The following PTCH1 variants were observed in gnomAD, a reference collection of about 807,000 sequenced individuals.
The protein encoded by PTCH1 is patched 1.
In PTCH1, 14 loss-of-function variants were observed where a neutral mutation model predicts 144.6. That is an observed-to-expected ratio of 0.10 (90% CI 0.06 to 0.15). The LOEUF is 0.15. Ranked by LOEUF, PTCH1 falls within the 10% of genes least tolerant of loss-of-function variation. The probability of loss-of-function intolerance (pLI) is 1.00; values close to 1 mark genes in which losing one functional copy is unlikely to be tolerated. For synonymous variants in PTCH1, 833 were observed against 793.6 expected (o/e 1.05, Z -0.83); for missense variants, 1,623 against 1,948.3 (o/e 0.83, Z 3.14).
intron 1 of PTCH1, among the ~76,000 whole-genome samples, chr9:95,515,659 A>T (rs917156212): frequency 3.9e-5 from 6 of 152,126 alleles, no homozygotes; most frequent in African/African-American, 1.4e-4. Flanking sequence ...GGCTCCCCTG[A>T]GGCCGCACTC....
rs548060514 is a variant in PTCH1 at position 95,462,521 on chromosome 9, A to T, written c.2561-523T>A. On this transcript the variant is annotated intron_variant, in intron 15 of 23. Transcript: ENST00000331920. ...TTTGTTCCATCTGTTCGACTTGTGG[A>T]GCTAACACAAGCTGTGGGATCCGCT... Among the ~76,000 whole-genome samples the T allele has an allele frequency of 1.1e-4, 16 of 152,282 alleles. No homozygotes were observed. In the East Asian group the frequency reaches 2.9e-3, roughly 28 times the overall value.
chr9:95,470,122 C>T (rs902317512), intron 12 of PTCH1, among the ~76,000 whole-genome samples, 191 bp from the exon 13 acceptor site: 2 of 152,218 alleles, frequency 1.3e-5, no homozygotes, highest in African/African-American at 2.4e-5. Flanking sequence ...ATAGTCTTGA[C>T]TGTTTCTGGG....
chr9:95,468,282 C>G (rs1840213877), intron 14 of PTCH1, among the ~76,000 whole-genome samples: 1 of 152,160 alleles, frequency 6.6e-6, no homozygotes, highest in South Asian at 2.1e-4. Context: ...TTCTCGAACT[C>G]CTGGGTTCAA....
chr9:95,465,690 C>CTA (rs1839937682), intron 15 of PTCH1, among the ~76,000 whole-genome samples: 1 of 152,170 alleles, frequency 6.6e-6, no homozygotes, highest in Non-Finnish European at 1.5e-5. Flanking sequence ...TGAGTCTTTA[C>CTA]ATACAAGTGT....
intron 12 of PTCH1, among the ~76,000 whole-genome samples, chr9:95,475,642 G>A (rs1291161239): frequency 1.3e-5 from 2 of 152,140 alleles, no homozygotes; most frequent in Non-Finnish European, 2.9e-5. Context: ...AGTGGGCAGC[G>A]GGAGAGGGGG....
rs1837635478 is a variant in PTCH1, at chr9:95,443,424, AT to A, written c.*2968del. On this transcript the variant is annotated 3_prime_UTR_variant, in exon 24 of 24. Coordinates refer to ENST00000331920, the MANE Select transcript of PTCH1 (RefSeq NM_000264.5). ...CAAACAAAGATATAACCAACAAGTT[AT>A]ATTATTTTTTATTCATGTTAGAATT... 1 of 152,670 alleles carries A rather than the reference AT, an allele frequency of 6.6e-6. No individual in the cohort carries two copies. The highest frequency in any genetic ancestry group is 1.5e-5 in the Non-Finnish European group (1 of 68,044). 9.5% of individuals were successfully genotyped at this position (152,670 alleles called of 1,614,324 possible).
intron 2 of PTCH1, among the ~76,000 whole-genome samples, chr9:95,506,003 G>C (rs1156835936): frequency 6.8e-6 from 1 of 147,994 alleles, no homozygotes; most frequent in Non-Finnish European, 1.5e-5. Context: ...GGTGGGTGGG[G>C]GTGGGGGAGA....
chr9:95,500,551 A>G (rs28629854), intron 2 of PTCH1, among the ~76,000 whole-genome samples: 55,963 of 151,978 alleles, frequency 0.37, 10,986 homozygotes, highest in African/African-American at 0.49. Context: ...CACAATGGCA[A>G]CCCCAGAGAA....
rs1841405741 is a variant in PTCH1, at chr9:95,480,029, T to G, written c.1007A>C (p.His336Pro). Residue 336 changes from histidine (H) to proline (P), a missense_variant, in exon 7 of 24, where the codon CAC (histidine) becomes CCC (proline). Around this residue, in one of 7 missense-constraint regions of PTCH1, gnomAD observed 230 missense variants for 271.0 expected, o/e 0.85. Transcript: ENST00000331920. The stretch of plus-strand genomic sequence containing the variant: ...ACCCACAATCAACTCCTCCTGCCAG[T>G]GCATATACTTTCTGGATAAGCCATG... ...GCHGLSRKYMHWQEELIVGGT... is the reference protein window; with the variant it reads ...GCHGLSRKYMPWQEELIVGGT... 6.2e-7 allele frequency: 1 copy of G among 1,614,022 alleles called. No individual in the cohort carries two copies. Among genetic ancestry groups the G allele is most frequent in the Non-Finnish European group, 8.5e-7 (1 of 1,180,008 alleles).
intron 23 of PTCH1, 38 bp from the exon 24 acceptor site, chr9:95,446,429 A>G (rs1175646925): frequency 3.9e-6 from 2 of 518,704 alleles, no homozygotes; most frequent in East Asian, 1.1e-4. Context: ...GAACAGAGTA[A>G]GAGGTGTGCA....
rs374017448 is a variant in PTCH1, at chr9:95,453,749, TC to T, written c.3307-130del. 181 of 1,239,056 alleles carry T rather than the reference TC, an allele frequency of 1.5e-4. 2 individuals carry two copies. In the South Asian group the frequency reaches 2.2e-3, roughly 15 times the overall value. The allele number at this position is 1,239,056 out of a possible 1,614,324, so 76.8% of individuals were successfully genotyped here. ...CTGTTTTAGTTGCTAGAATGTGTAA[TC>T]AGAGTAGCTCAACTAGCAGCACCTA... On this transcript the variant is annotated intron_variant, in intron 19 of 23. Coordinates refer to ENST00000331920, the MANE Select transcript of PTCH1 (RefSeq NM_000264.5).
chr9:95,490,169 A>G (rs1842278995), intron 2 of PTCH1, among the ~76,000 whole-genome samples: 1 of 151,282 alleles, frequency 6.6e-6, no homozygotes, highest in South Asian at 2.1e-4. Context: ...CTACAATGAA[A>G]GAGTATAATT....
rs1259643527 is a variant in PTCH1 at position 95,444,938 on chromosome 9, G to C, written c.*1455C>G. 2.0e-5 allele frequency: 3 copies of C among 152,214 alleles called. No homozygotes were observed. The highest frequency in any genetic ancestry group is 4.4e-5 in the Non-Finnish European group (3 of 68,060). The allele number at this position is 152,214 out of a possible 1,614,324, so 9.4% of individuals were successfully genotyped here. ...CTGCCCCTGCCTACATCTTTCAGTG[G>C]GGTGTGTCCATCCTCCTGCTTTCCC... On this transcript the variant is annotated 3_prime_UTR_variant, in exon 24 of 24. Coordinates refer to ENST00000331920, the MANE Select transcript of PTCH1 (RefSeq NM_000264.5).
At position 95,508,997 on chromosome 9, in the gene PTCH1, G is replaced by A. The variant is rs963381140; in HGVS notation, c.-636C>T. ...GCTGGCGGTGGCGGCTCCAGGAGCT[G>A]CTGCTCGGGCTGCTCGGGCTCTGGC... On this transcript the variant is annotated 5_prime_UTR_variant, in exon 1 of 24. An upstream open reading frame in the 5' UTR gains an earlier in-frame stop. Transcript: ENST00000331920. 1.3e-5 allele frequency among the ~76,000 whole-genome samples: 2 copies of A among 151,070 alleles called. No individual in the cohort carries two copies. Among genetic ancestry groups the A allele is most frequent in the South Asian group, 4.2e-4 (2 of 4,776 alleles).
intron 1 of PTCH1, among the ~76,000 whole-genome samples, chr9:95,515,361 G>A (rs1484884982): frequency 6.6e-6 from 1 of 152,122 alleles, no homozygotes; most frequent in Admixed American, 6.5e-5. Context: ...TCCCCAGGGA[G>A]GAAGAAAGGA....
upstream of PTCH1, among the ~76,000 whole-genome samples, chr9:95,512,353 C>T (rs185862217): frequency 6.6e-6 from 1 of 152,304 alleles, no homozygotes; most frequent in Admixed American, 6.5e-5. Context: ...AGCCTCGGCT[C>T]TAACGAGCGC....
At chr9:95,507,226 TACG>T (rs1448436026) in intron 1 of PTCH1, 5 of 985,434 alleles carry the variant, frequency 5.1e-6, no homozygotes, top group Non-Finnish European at 6.0e-6. Context: ...AGCTGCAACT[TACG>T]ACAATATTTG....
intron 2 of PTCH1, chr9:95,494,174 T>G (rs1002737333): frequency 1.0e-6 from 1 of 983,494 alleles, no homozygotes; most frequent in Non-Finnish European, 1.2e-6. Flanking sequence ...GGAAGCAAGC[T>G]TCCCCGCCCC....
At chr9:95,473,113 A>C (rs536047676) in intron 12 of PTCH1, among the ~76,000 whole-genome samples, 4 of 152,360 alleles carry the variant, frequency 2.6e-5, no homozygotes, top group African/African-American at 9.6e-5. Context: ...GCTACCAGCA[A>C]GCCCTAGTTA....
Sources: gnomAD v4.1 joint callset for allele counts (sites outside exome capture counted in the v4.1 genomes callset) on GRCh38, gnomAD v4.1.1 for gene constraint, gnomAD v4.1.1 regional missense constraint, MANE v1.5 for transcripts, NCBI Gene and HGNC (gene_info 2026-07-23, HGNC 2026-07-21) for gene names.